The following ABTB3 variants were observed in gnomAD, a reference collection of about 807,000 sequenced individuals.
The protein encoded by ABTB3 is ankyrin repeat and BTB domain containing 3, also known as ankyrin repeat- and BTB/POZ domain-containing protein 3.
the ABTB3 span, among the ~76,000 whole-genome samples, chr12:107,368,574 T>C: frequency 1.3e-5 from 2 of 152,194 alleles, no homozygotes; most frequent in Non-Finnish European, 2.9e-5. Flanking sequence ...CTTTCACTTG[T>C]TCCCATATGG....
chr12:107,651,807 C>T, the ABTB3 span: 30 of 1,597,370 alleles, frequency 1.9e-5, no homozygotes, highest in South Asian at 2.3e-4. Flanking sequence ...CTCATTCTCG[C>T]GCAGTGCGCA....
At chr12:107,479,025 A>T in the ABTB3 span, among the ~76,000 whole-genome samples, 1 of 152,136 alleles carries the variant, frequency 6.6e-6, no homozygotes, top group Non-Finnish European at 1.5e-5. Flanking sequence ...CCTCCTTCCC[A>T]TAAGGTATTT....
chr12:107,582,054 C>T, the ABTB3 span, among the ~76,000 whole-genome samples: 1 of 152,168 alleles, frequency 6.6e-6, no homozygotes, highest in Non-Finnish European at 1.5e-5. Context: ...AACTGCCTTT[C>T]CTCCACAGTT....
At chr12:107,380,756 A>G in the ABTB3 span, among the ~76,000 whole-genome samples, 30 of 152,338 alleles carry the variant, frequency 2.0e-4, no homozygotes, top group African/African-American at 6.7e-4. Context: ...AAAACAGGGT[A>G]CATGCGTGAA....
chr12:107,588,884 T>C, the ABTB3 span, among the ~76,000 whole-genome samples: 1 of 152,166 alleles, frequency 6.6e-6, no homozygotes, highest in African/African-American at 2.4e-5. Flanking sequence ...GGCCTCTTTA[T>C]TGGAGCAAGG....
the ABTB3 span, among the ~76,000 whole-genome samples, chr12:107,635,875 C>T: frequency 7.9e-6 from 1 of 126,628 alleles, no homozygotes. Context: ...CCCACCCACA[C>T]ACACACACAC....
At chr12:107,614,971 A>G in the ABTB3 span, 1 of 1,082,488 alleles carries the variant, frequency 9.2e-7, no homozygotes, top group Non-Finnish European at 1.4e-6. Flanking sequence ...GTCCATCTCT[A>G]GCCCATGTGC....
chr12:107,329,932 A>G, the ABTB3 span, among the ~76,000 whole-genome samples: 1 of 152,224 alleles, frequency 6.6e-6, no homozygotes, highest in Non-Finnish European at 1.5e-5. Flanking sequence ...CATGTGCAAC[A>G]AAGGAGAGAC....
chr12:107,400,413 A>T, the ABTB3 span, among the ~76,000 whole-genome samples: 7 of 152,288 alleles, frequency 4.6e-5, no homozygotes, highest in East Asian at 1.4e-3. Context: ...ACAAGTACTC[A>T]GGTAACCCTT....
the ABTB3 span, among the ~76,000 whole-genome samples, chr12:107,437,022 A>G: frequency 1.3e-5 from 2 of 151,884 alleles, no homozygotes; most frequent in Admixed American, 1.3e-4. Flanking sequence ...TGATTTCAGG[A>G]GTAGAAGAGT....
chr12:107,451,725 T>TA, the ABTB3 span, among the ~76,000 whole-genome samples: 1 of 151,556 alleles, frequency 6.6e-6, no homozygotes, highest in Admixed American at 6.6e-5. Flanking sequence ...AGCTCTTCCC[T>TA]ACCTCCCAGT....
chr12:107,567,024 G>A, the ABTB3 span, among the ~76,000 whole-genome samples: 1 of 152,204 alleles, frequency 6.6e-6, no homozygotes, highest in Non-Finnish European at 1.5e-5. Context: ...AGCTGAGGTG[G>A]GAGGATCATC....
the ABTB3 span, among the ~76,000 whole-genome samples, chr12:107,615,710 A>T: frequency 6.6e-6 from 1 of 152,222 alleles, no homozygotes; most frequent in Admixed American, 6.5e-5. Context: ...AAGCACAGTG[A>T]CATGTCCTCA....
chr12:107,558,176 C>T, the ABTB3 span, among the ~76,000 whole-genome samples: 8 of 152,322 alleles, frequency 5.3e-5, no homozygotes, highest in South Asian at 8.3e-4. Context: ...TAGTGGGGGA[C>T]GCATAGACCA....
At chr12:107,417,329 G>A in the ABTB3 span, among the ~76,000 whole-genome samples, 2 of 152,224 alleles carry the variant, frequency 1.3e-5, no homozygotes, top group African/African-American at 2.4e-5. Flanking sequence ...TCTGAAGGCT[G>A]TGGATCCTTC....
the ABTB3 span, chr12:107,318,687 C>T: frequency 1.5e-5 from 7 of 465,696 alleles, no homozygotes; most frequent in African/African-American, 4.0e-5. Context: ...GCTTCCTTCC[C>T]GGCCTGGCTC....
At chr12:107,377,414 AGT>A in the ABTB3 span, among the ~76,000 whole-genome samples, 4,790 of 146,546 alleles carry the variant, frequency 0.033, 109 homozygotes, top group African/African-American at 0.066. Context: ...AGAGAGCAAG[AGT>A]GTGTGTGTGT....
At chr12:107,347,006 C>T in the ABTB3 span, among the ~76,000 whole-genome samples, 5 of 152,146 alleles carry the variant, frequency 3.3e-5, no homozygotes, top group African/African-American at 1.2e-4. Flanking sequence ...TTAAAACTTA[C>T]TGGGGGTAAT....
At chr12:107,389,218 A>C in the ABTB3 span, among the ~76,000 whole-genome samples, 1 of 152,234 alleles carries the variant, frequency 6.6e-6, no homozygotes, top group East Asian at 1.9e-4. Context: ...ATTTTAGAAA[A>C]TTAAACAAAA....
Sources: allele counts gnomAD v4.1 joint callset (sites outside exome capture counted in the v4.1 genomes callset), GRCh38; gene constraint gnomAD v4.1.1; transcripts MANE v1.5; gene names NCBI Gene and HGNC (gene_info 2026-07-23, HGNC 2026-07-21).